AUTS2: variants seen among roughly 807,000 people sequenced by gnomAD.
AUTS2 encodes the protein activator of transcription and developmental regulator AUTS2.
In AUTS2, 17 loss-of-function variants were observed where a neutral mutation model predicts 112.4. The ratio of observed to expected loss-of-function variants is 0.15; its 90% confidence interval spans 0.10 to 0.23. The LOEUF is 0.23. AUTS2 is among the 10% of genes least tolerant of loss of function. The pLI, the probability that AUTS2 is intolerant of heterozygous loss-of-function variation, is 1.00. For missense variants in AUTS2, 1,510 were observed against 1,701.6 expected (o/e 0.89, Z 1.98); for synonymous variants, 751 against 702.7 (o/e 1.07, Z -1.09).
chr7:70,018,118 C>T (rs886723991), intron 2 of AUTS2, among the ~76,000 whole-genome samples: 9 of 152,172 alleles, frequency 5.9e-5, no homozygotes, highest in African/African-American at 2.2e-4. Context: ...AAATTACTTT[C>T]CCACTTTAGT....
At chr7:70,482,692 T>C (rs1797837095) in intron 5 of AUTS2, among the ~76,000 whole-genome samples, 1 of 152,080 alleles carries the variant, frequency 6.6e-6, no homozygotes, top group African/African-American at 2.4e-5. Flanking sequence ...CTGAATAGAG[T>C]GCTTATCCCA....
chr7:70,413,488 A>T (rs969045180), intron 4 of AUTS2, among the ~76,000 whole-genome samples: 1 of 152,202 alleles, frequency 6.6e-6, no homozygotes, highest in Non-Finnish European at 1.5e-5. Flanking sequence ...AGGGGTGACA[A>T]TGTTTCCTAC....
At chr7:70,527,062 G>A (rs939676612) in intron 5 of AUTS2, among the ~76,000 whole-genome samples, 6 of 152,170 alleles carry the variant, frequency 3.9e-5, no homozygotes, top group Non-Finnish European at 7.3e-5. Flanking sequence ...TATCACACAA[G>A]CTGAGCTGCC....
intron 4 of AUTS2, among the ~76,000 whole-genome samples, chr7:70,430,406 A>G (rs1204809357): frequency 6.6e-6 from 1 of 152,212 alleles, no homozygotes; most frequent in African/African-American, 2.4e-5. Context: ...GGTACCATGC[A>G]CTAAGTTGTT....
At chr7:70,233,526 A>G (rs943242047) in intron 4 of AUTS2, among the ~76,000 whole-genome samples, 1 of 152,076 alleles carries the variant, frequency 6.6e-6, no homozygotes, top group African/African-American at 2.4e-5. Context: ...TGTGACTATG[A>G]CTCCAGGTCT....
intron 5 of AUTS2, among the ~76,000 whole-genome samples, chr7:70,641,964 C>A (rs1283483311): frequency 6.6e-6 from 1 of 152,188 alleles, no homozygotes; most frequent in African/African-American, 2.4e-5. Context: ...CCCTCAACTT[C>A]TCCCATGAAA....
At chr7:69,897,423 A>G (rs1000991431) in intron 1 of AUTS2, among the ~76,000 whole-genome samples, 11 of 152,020 alleles carry the variant, frequency 7.2e-5, no homozygotes, top group African/African-American at 2.7e-4. Flanking sequence ...TTTCTCATGG[A>G]TGGTACCTGT....
intron 2 of AUTS2, among the ~76,000 whole-genome samples, chr7:69,969,713 CTTT>C (rs1372573799): frequency 1.3e-5 from 2 of 152,078 alleles, no homozygotes; most frequent in Non-Finnish European, 2.9e-5. Flanking sequence ...CTTACAAAGG[CTTT>C]TTGATTTGGA....
chr7:69,953,093 T>G (rs1024694295), intron 2 of AUTS2, among the ~76,000 whole-genome samples: 22 of 152,190 alleles, frequency 1.4e-4, no homozygotes, highest in African/African-American at 5.1e-4. Flanking sequence ...TTCATGTGCT[T>G]TATTTACATA....
chr7:70,118,354 C>T, intron 3 of AUTS2, 121 bp downstream of exon 3: 1 of 1,181,912 alleles, frequency 8.5e-7, no homozygotes, highest in East Asian at 2.9e-5. Context: ...TTTTTGTCTA[C>T]CCAAGCATTG....
At chr7:70,191,314 C>T (rs1809877532) in intron 4 of AUTS2, among the ~76,000 whole-genome samples, 1 of 151,848 alleles carries the variant, frequency 6.6e-6, no homozygotes, top group Non-Finnish European at 1.5e-5. Flanking sequence ...ACTACAGGTG[C>T]TCGCCACCAT....
At position 70,776,382 on chromosome 7, in the gene AUTS2, C is replaced by A. The variant is rs186286367; in HGVS notation, c.1933-721C>A. ...GCACTCCACTCCTTATAAAGCAAGACATGAAATAATTGGGGAGATGTGGAT... is the reference window on the plus strand; with the variant it reads ...GCACTCCACTCCTTATAAAGCAAGAAATGAAATAATTGGGGAGATGTGGAT... On this transcript the variant is annotated intron_variant, in intron 13 of 18. Coordinates refer to ENST00000342771, the MANE Select transcript of AUTS2 (RefSeq NM_015570.4). Among the ~76,000 whole-genome samples, 94 of 152,236 alleles carry A rather than the reference C, an allele frequency of 6.2e-4. 1 individual carries two copies. The highest frequency in any genetic ancestry group is 3.4e-3 in the Middle Eastern group (1 of 294).
intron 4 of AUTS2, among the ~76,000 whole-genome samples, chr7:70,339,768 T>C (rs1373204219): frequency 6.6e-6 from 1 of 152,204 alleles, no homozygotes; most frequent in African/African-American, 2.4e-5. Flanking sequence ...CCTGGATTTT[T>C]TTGGTTCATG....
intron 4 of AUTS2, among the ~76,000 whole-genome samples, chr7:70,382,104 C>T (rs1355595050): frequency 2.6e-5 from 4 of 152,144 alleles, no homozygotes; most frequent in Non-Finnish European, 4.4e-5. Flanking sequence ...TTGCATATCA[C>T]GACAGTGTCT....
chr7:70,071,041 A>C (rs945695486), intron 2 of AUTS2, among the ~76,000 whole-genome samples: 9 of 152,200 alleles, frequency 5.9e-5, no homozygotes, highest in Non-Finnish European at 1.3e-4. Context: ...GTACTGAAGC[A>C]GATAGAAGGA....
chr7:69,945,191 A>G (rs1796762907), intron 2 of AUTS2, among the ~76,000 whole-genome samples: 1 of 152,236 alleles, frequency 6.6e-6, no homozygotes, highest in Non-Finnish European at 1.5e-5. Context: ...AGATGCAGCC[A>G]TCACCACAAG....
At chr7:70,513,121 G>A (rs1010448594) in intron 5 of AUTS2, among the ~76,000 whole-genome samples, 2 of 152,236 alleles carry the variant, frequency 1.3e-5, no homozygotes, top group African/African-American at 4.8e-5. Flanking sequence ...GCCCTTTACA[G>A]TAACAGCCTT....
At chr7:70,764,108 T>A (rs1789750732) in intron 7 of AUTS2, among the ~76,000 whole-genome samples, 1 of 152,178 alleles carries the variant, frequency 6.6e-6, no homozygotes, top group Non-Finnish European at 1.5e-5. Flanking sequence ...TCTTTGTTAC[T>A]GTTTTTCTTT....
At chr7:69,648,719 G>C (rs1795153541) in intron 1 of AUTS2, among the ~76,000 whole-genome samples, 1 of 152,150 alleles carries the variant, frequency 6.6e-6, no homozygotes, top group Non-Finnish European at 1.5e-5. Flanking sequence ...CAGTCATGTA[G>C]GGGGAGGATG....
Sources: allele counts gnomAD v4.1 joint callset (sites outside exome capture counted in the v4.1 genomes callset), GRCh38; gene constraint gnomAD v4.1.1; transcripts MANE v1.5; gene names NCBI Gene and HGNC (gene_info 2026-07-23, HGNC 2026-07-21).